WDR49: variants seen among roughly 807,000 people sequenced by gnomAD.
The protein encoded by WDR49 is WD repeat domain 49, also known as cilia- and flagella-associated protein 337.
Under a neutral mutation model 119.5 loss-of-function variants are expected in WDR49, and 107 were observed. The observed-to-expected ratio is 0.90, with a 90% CI of 0.77 to 1.05. WDR49 has a LOEUF of 1.05. Ranked by LOEUF, WDR49 falls within the 50% of genes least tolerant of loss-of-function variation. WDR49 has a pLI of 0.00. For synonymous variants in WDR49, 425 were observed against 418.8 expected (o/e 1.01, Z -0.18); for missense variants, 1,240 against 1,220.5 (o/e 1.02, Z -0.24).
intron 18 of WDR49, 95 bp downstream of exon 18, chr3:167,500,058 A>G (rs1027574133): frequency 2.2e-6 from 3 of 1,355,564 alleles, no homozygotes; most frequent in African/African-American, 3.0e-5. Context: ...ACTACAAGAC[A>G]AACACTTGTT....
chr3:167,502,379 T>C (rs957695444), intron 17 of WDR49, among the ~76,000 whole-genome samples: 5 of 151,890 alleles, frequency 3.3e-5, no homozygotes, highest in African/African-American at 9.7e-5. Flanking sequence ...GTAACAAGAG[T>C]GGGGCATTGC....
At chr3:167,578,758 G>GC (rs2108286294) in intron 7 of WDR49, among the ~76,000 whole-genome samples, 1 of 152,164 alleles carries the variant, frequency 6.6e-6, no homozygotes, top group South Asian at 2.1e-4. Flanking sequence ...CTTTAAAGCA[G>GC]CCTATTTTTG....
chr3:167,601,550 A>G (rs990003578), intron 7 of WDR49, among the ~76,000 whole-genome samples: 2 of 152,164 alleles, frequency 1.3e-5, no homozygotes, highest in African/African-American at 4.8e-5. Context: ...CTAAGTGGAT[A>G]TAAGTAATAA....
At chr3:167,600,868 C>G (rs542630756) in intron 7 of WDR49, among the ~76,000 whole-genome samples, 2 of 151,934 alleles carry the variant, frequency 1.3e-5, no homozygotes, top group Admixed American at 1.3e-4. Flanking sequence ...ATGATTGGAG[C>G]ATTAAATGAA....
rs1428915398 is a variant in WDR49 at position 167,653,374 on chromosome 3, G to T, written c.52C>A (p.Pro18Thr). 6.5e-6 allele frequency: 10 copies of T among 1,534,788 alleles called. No individual in the cohort carries two copies. Among genetic ancestry groups the T allele is most frequent in the Admixed American group, 2.0e-5 (1 of 50,960 alleles). The change falls in exon 2 of 19, where the codon CCA (proline) becomes ACA (threonine). Residue 18 changes from proline to threonine, a missense_variant. By Grantham distance (38) the Pro-to-Thr change is conservative. Coordinates refer to ENST00000682715, the MANE Select transcript of WDR49 (RefSeq NM_001366157.1). The stretch of plus-strand genomic sequence containing the variant: ...CCTTCTGTTCTCTCAGGACTCTTTG[G>T]CCCAAGCTGTGACCCTATGTTTAAC... Reference protein sequence around the residue: ...LELNIGSQLGPKSPERTEGVT... With the variant: ...LELNIGSQLGTKSPERTEGVT...
At chr3:167,533,719 T>C (rs985099470) in intron 11 of WDR49, among the ~76,000 whole-genome samples, 1 of 151,592 alleles carries the variant, frequency 6.6e-6, no homozygotes, top group Non-Finnish European at 1.5e-5. Context: ...AAGCCCAAAG[T>C]GAGGTGAAGT....
At chr3:167,648,245 T>C (rs1257361152) in intron 2 of WDR49, among the ~76,000 whole-genome samples, 1 of 152,214 alleles carries the variant, frequency 6.6e-6, no homozygotes, top group Non-Finnish European at 1.5e-5. Context: ...ATAAGTGCTT[T>C]ATAAAATCTT....
At chr3:167,597,681 C>T (rs1257576147) in intron 7 of WDR49, among the ~76,000 whole-genome samples, 1 of 152,186 alleles carries the variant, frequency 6.6e-6, no homozygotes, top group Non-Finnish European at 1.5e-5. Flanking sequence ...CCACCCCTTG[C>T]TTTAGCATGC....
intron 2 of WDR49, among the ~76,000 whole-genome samples, chr3:167,648,704 A>G (rs543370264): frequency 1.3e-5 from 2 of 152,266 alleles, no homozygotes; most frequent in Admixed American, 1.3e-4. Flanking sequence ...GTGCTGGCCA[A>G]TGGGATGTGA....
intron 18 of WDR49, among the ~76,000 whole-genome samples, chr3:167,488,310 CAT>C (rs1268576783): frequency 6.6e-6 from 1 of 151,946 alleles, no homozygotes; most frequent in Non-Finnish European, 1.5e-5. Flanking sequence ...CCAAATACCA[CAT>C]GTTCTCACTT....
intron 2 of WDR49, among the ~76,000 whole-genome samples, chr3:167,646,058 G>T (rs1718108047): frequency 6.6e-6 from 1 of 152,158 alleles, no homozygotes; most frequent in Non-Finnish European, 1.5e-5. Context: ...TGAGGCACCA[G>T]CATCTGGTAG....
At chr3:167,614,182 A>T (rs941888260) in intron 5 of WDR49, among the ~76,000 whole-genome samples, 1 of 151,054 alleles carries the variant, frequency 6.6e-6, no homozygotes, top group Non-Finnish European at 1.5e-5. Context: ...GCTCACTGCA[A>T]CCCCCACCTC....
intron 7 of WDR49, among the ~76,000 whole-genome samples, chr3:167,588,223 C>T (rs940339445): frequency 6.6e-6 from 1 of 152,132 alleles, no homozygotes; most frequent in Non-Finnish European, 1.5e-5. Context: ...CTCTAACTGG[C>T]TTATTTCACT....
intron 18 of WDR49, among the ~76,000 whole-genome samples, chr3:167,490,486 A>G (rs759871092): frequency 1.8e-4 from 28 of 152,196 alleles, no homozygotes; most frequent in Non-Finnish European, 3.5e-4. Flanking sequence ...TAGTCAATGC[A>G]TGTATCTACA....
At chr3:167,499,472 G>A (rs778787793) in intron 18 of WDR49, among the ~76,000 whole-genome samples, 107 of 152,296 alleles carry the variant, frequency 7.0e-4, no homozygotes, top group Admixed American at 1.9e-3. Context: ...CAGTGTCCAT[G>A]TGCTTTCTGA....
chr3:167,478,908 T>A lies in WDR49; in HGVS notation c.3120A>T (p.Lys1040Asn). 9.3e-6 allele frequency: 15 copies of A among 1,608,200 alleles called. No individual in the cohort carries two copies. Among genetic ancestry groups the A allele is most frequent in the Non-Finnish European group, 1.2e-5 (14 of 1,178,726 alleles). Residue 1040 changes from lysine to asparagine, a missense_variant, in exon 19 of 19, where the codon AAA becomes AAT. By Grantham distance (94) the Lys-to-Asn change is moderately conservative. Transcript: ENST00000682715. ...TCTTATTTTTCTTCACTTCACAACT[T>A]TTTTCTTGGCATAATTGCTTGGCTT... ...ERKAKQLCQE[K>N]SCEVKKNKK
chr3:167,577,638 T>C (rs569180087), intron 7 of WDR49, among the ~76,000 whole-genome samples: 2 of 152,304 alleles, frequency 1.3e-5, no homozygotes, highest in South Asian at 2.1e-4. Flanking sequence ...ATGCGTTCAA[T>C]GAATGTTCCT....
intron 7 of WDR49, among the ~76,000 whole-genome samples, chr3:167,582,829 T>G (rs913554645): frequency 6.6e-6 from 1 of 152,054 alleles, no homozygotes; most frequent in Non-Finnish European, 1.5e-5. Flanking sequence ...AGGCCTGTAA[T>G]TCCAGCTACA....
chr3:167,603,379 C>T (rs1715873358), intron 6 of WDR49, among the ~76,000 whole-genome samples: 2 of 152,124 alleles, frequency 1.3e-5, no homozygotes, highest in South Asian at 4.1e-4. Flanking sequence ...GAGTCACCAA[C>T]TCCTCTATCC....
Sources: gnomAD v4.1 joint callset for allele counts (sites outside exome capture counted in the v4.1 genomes callset) on GRCh38, gnomAD v4.1.1 for gene constraint, MANE v1.5 for transcripts, NCBI Gene and HGNC (gene_info 2026-07-23, HGNC 2026-07-21) for gene names.